The following PDZRN4 variants were observed in gnomAD, a reference collection of about 807,000 sequenced individuals.
PDZRN4 encodes the protein PDZ domain containing ring finger 4, also known as PDZ domain-containing RING finger protein 4.
In PDZRN4, 70 loss-of-function variants were observed where a neutral mutation model predicts 99.0. That is an observed-to-expected ratio of 0.71 (90% CI 0.58 to 0.86). The LOEUF (loss-of-function observed/expected upper bound fraction) is 0.86, where lower values mean the gene tolerates loss of function less well. Ranked by LOEUF, PDZRN4 falls within the 40% of genes least tolerant of loss-of-function variation. The pLI is 0.00. For synonymous variants in PDZRN4, 551 were observed against 501.6 expected, an observed-to-expected ratio of 1.10 and a Z score of -1.32; for missense variants, 1,474 against 1,331.2, an observed-to-expected ratio of 1.11 and a Z score of -1.67.
chr12:41,233,945 T>G (rs539886482), intron 3 of PDZRN4, among the ~76,000 whole-genome samples: 3 of 151,238 alleles, frequency 2.0e-5, no homozygotes, highest in South Asian at 4.2e-4. Context: ...ATAATAATAA[T>G]AAAGTTAAAA....
intron 3 of PDZRN4, among the ~76,000 whole-genome samples, chr12:41,343,814 CAT>C (rs34873280): frequency 2.6e-5 from 4 of 151,424 alleles, no homozygotes; most frequent in Admixed American, 2.0e-4. Flanking sequence ...CATTATACAA[CAT>C]ATATATATAT....
At chr12:41,266,310 CAAAAAAAAA>C (rs777855203) in intron 3 of PDZRN4, among the ~76,000 whole-genome samples, 3 of 11,678 alleles carry the variant, frequency 2.6e-4, no homozygotes, top group Admixed American at 1.3e-3. Context: ...GACTCCGTCT[CAAAAAAAAA>C]AAAAAAAAAA....
chr12:41,547,205 G>T (rs75012304), intron 5 of PDZRN4, among the ~76,000 whole-genome samples: 2,966 of 152,224 alleles, frequency 0.019, 84 homozygotes, highest in African/African-American at 0.064. Context: ...GTGTCTTCCT[G>T]GTTTCCTTCT....
intron 3 of PDZRN4, among the ~76,000 whole-genome samples, chr12:41,239,480 G>GA (rs1159663410): frequency 6.6e-6 from 1 of 152,006 alleles, no homozygotes; most frequent in Non-Finnish European, 1.5e-5. Context: ...AAAGTTGAAG[G>GA]AAAAAATACT....
At chr12:41,463,460 A>G (rs983125856) in intron 3 of PDZRN4, among the ~76,000 whole-genome samples, 3 of 152,112 alleles carry the variant, frequency 2.0e-5, no homozygotes, top group Non-Finnish European at 4.4e-5. Context: ...CTTCTTGGAA[A>G]AAGAGAAGGA....
chr12:41,573,980 T>C lies in PDZRN4; in HGVS notation c.*90T>C, dbSNP rs1939534410. 2.2e-6 allele frequency: 2 copies of C among 919,382 alleles called. No individual in the cohort carries two copies. The highest frequency in any genetic ancestry group is 3.3e-5 in the African/African-American group (2 of 60,890). 57.0% of individuals were successfully genotyped at this position (919,382 alleles called of 1,614,324 possible). On this transcript the variant is annotated 3_prime_UTR_variant, in exon 10 of 10. Coordinates refer to ENST00000402685, the MANE Select transcript of PDZRN4 (RefSeq NM_001164595.2). ...TGCCTCGTTCAATGTGGCGTTTTTATATATATTTTGTGACTCTTTATAGTT... is the reference window on the plus strand; with the variant it reads ...TGCCTCGTTCAATGTGGCGTTTTTACATATATTTTGTGACTCTTTATAGTT...
intron 3 of PDZRN4, among the ~76,000 whole-genome samples, chr12:41,292,060 G>A (rs1468881919): frequency 6.6e-6 from 1 of 152,130 alleles, no homozygotes; most frequent in Non-Finnish European, 1.5e-5. Flanking sequence ...TAATCATCAG[G>A]CACACAAGCA....
At chr12:41,285,040 C>A (rs1951413358) in intron 3 of PDZRN4, among the ~76,000 whole-genome samples, 2 of 151,908 alleles carry the variant, frequency 1.3e-5, no homozygotes, top group Admixed American at 6.6e-5. Flanking sequence ...TTCTGTACAG[C>A]AAAAGAAACT....
intron 3 of PDZRN4, among the ~76,000 whole-genome samples, chr12:41,499,664 C>A (rs550076862): frequency 3.3e-5 from 5 of 151,984 alleles, no homozygotes; most frequent in African/African-American, 1.2e-4. Flanking sequence ...TACCTATAAC[C>A]AAAATTATTC....
chr12:41,322,791 G>T (rs12424021), intron 3 of PDZRN4, among the ~76,000 whole-genome samples: 6 of 151,756 alleles, frequency 4.0e-5, no homozygotes, highest in Non-Finnish European at 7.4e-5. Flanking sequence ...CCACCGCGCC[G>T]GGCAAAATTT....
chr12:41,243,234 A>T (rs1824894193), intron 3 of PDZRN4, among the ~76,000 whole-genome samples: 1 of 152,222 alleles, frequency 6.6e-6, no homozygotes, highest in African/African-American at 2.4e-5. Flanking sequence ...ATAGGGAGAC[A>T]TAGTCAAGGT....
intron 3 of PDZRN4, among the ~76,000 whole-genome samples, chr12:41,484,829 TC>T (rs1937744072): frequency 6.6e-6 from 1 of 152,120 alleles, no homozygotes; most frequent in Non-Finnish European, 1.5e-5. Context: ...ACGTTTTCCC[TC>T]ATTACAGGAC....
At chr12:41,352,188 A>G (rs1391832194) in intron 3 of PDZRN4, among the ~76,000 whole-genome samples, 2 of 152,016 alleles carry the variant, frequency 1.3e-5, no homozygotes, top group African/African-American at 2.4e-5. Context: ...ACTCAGTATT[A>G]ACAGATTAAA....
chr12:41,332,925 C>T (rs1472707778), intron 3 of PDZRN4, among the ~76,000 whole-genome samples: 2 of 151,990 alleles, frequency 1.3e-5, no homozygotes, highest in Non-Finnish European at 2.9e-5. Flanking sequence ...TTGCATGGAT[C>T]CACCCATTCC....
intron 3 of PDZRN4, among the ~76,000 whole-genome samples, chr12:41,309,715 G>C (rs569175899): frequency 6.6e-6 from 1 of 151,884 alleles, no homozygotes; most frequent in African/African-American, 2.4e-5. Flanking sequence ...AAAGTTAAAC[G>C]ATCCAATAGA....
At position 41,264,890 on chromosome 12, in the gene PDZRN4, G is replaced by T. The variant is rs114347835; in HGVS notation, c.843+70702G>T. 1.0e-3 allele frequency among the ~76,000 whole-genome samples: 158 copies of T among 152,154 alleles called. 1 individual carries two copies. Among genetic ancestry groups the T allele is most frequent in the African/African-American group, 3.7e-3 (154 of 41,512 alleles). ...TACCACATGTTCTCACTTACAAGTG[G>T]GTACTCATGAACATAAAGATGGAAA... is the stretch of plus-strand genomic sequence containing the variant. On this transcript the variant is annotated intron_variant, in intron 3 of 9. Coordinates refer to ENST00000402685, the MANE Select transcript of PDZRN4 (RefSeq NM_001164595.2).
chr12:41,292,160 C>A (rs1383558626), intron 3 of PDZRN4, among the ~76,000 whole-genome samples: 1 of 152,170 alleles, frequency 6.6e-6, no homozygotes, highest in African/African-American at 2.4e-5. Flanking sequence ...TCCATATTTA[C>A]AACTATGAAG....
At chr12:41,532,748 G>A (rs1005448729) in intron 5 of PDZRN4, among the ~76,000 whole-genome samples, 7 of 152,184 alleles carry the variant, frequency 4.6e-5, no homozygotes, top group East Asian at 3.9e-4. Context: ...GTGCCTCAGC[G>A]TTCTCATATA....
chr12:41,327,874 C>T (rs752216766), intron 3 of PDZRN4, among the ~76,000 whole-genome samples: 2 of 151,956 alleles, frequency 1.3e-5, no homozygotes, highest in African/African-American at 4.8e-5. Context: ...ATGTGAGATA[C>T]TTTACATATC....
Sources: gnomAD v4.1 joint callset for allele counts (sites outside exome capture counted in the v4.1 genomes callset) on GRCh38, gnomAD v4.1.1 for gene constraint, MANE v1.5 for transcripts, NCBI Gene and HGNC (gene_info 2026-07-23, HGNC 2026-07-21) for gene names.